The following DCHS2 variants were observed in gnomAD, a reference collection of about 807,000 sequenced individuals.
DCHS2 encodes dachsous cadherin-related 2.
DCHS2 carries 142 observed loss-of-function variants against 182.4 expected under a neutral mutation model. That is an observed-to-expected ratio of 0.78 (90% CI 0.68 to 0.89). DCHS2 has a LOEUF of 0.89. Ranked by LOEUF, DCHS2 falls within the 40% of genes least tolerant of loss-of-function variation. The probability of loss-of-function intolerance (pLI) is 0.00; values close to 1 mark genes in which losing one functional copy is unlikely to be tolerated. For missense variants in DCHS2, 4,319 were observed against 4,198.6 expected, an observed-to-expected ratio of 1.03 and a Z score of -0.79; for synonymous variants, 1,740 against 1,663.3, an observed-to-expected ratio of 1.05 and a Z score of -1.12.
Position 154,489,728 on chromosome 4 carries a change from T to C in DCHS2, c.1628A>G (p.His543Arg), listed in dbSNP as rs1336036885. The change falls in exon 1 of 20, where the codon CAT (histidine) becomes CGT (arginine). Residue 543 changes from histidine (H) to arginine (R), a missense_variant. Physicochemically the swap from His to Arg is conservative, Grantham distance 29. Transcript: ENST00000357232. ...GGCCTCGGACACTGAGGCCTTGTAA[T>C]GCTGTTGGCTGAAGAGAGGTGGTTG... The part of the protein sequence containing the change: ...NDQPPLFSQQ[H>R]YKASVSEAAA... 5.8e-6 allele frequency: 9 copies of C among 1,551,590 alleles called. No individual in the cohort carries two copies. The highest frequency in any genetic ancestry group is 7.8e-6 in the Non-Finnish European group (9 of 1,146,928).
At chr4:154,375,776 T>C (rs1730863370) in intron 2 of DCHS2, among the ~76,000 whole-genome samples, 1 of 152,142 alleles carries the variant, frequency 6.6e-6, no homozygotes, top group African/African-American at 2.4e-5. Flanking sequence ...AATGCTTACA[T>C]TTGTTCACCA....
At chr4:154,487,619 C>T (rs569710279) in intron 1 of DCHS2, among the ~76,000 whole-genome samples, 3 of 152,316 alleles carry the variant, frequency 2.0e-5, no homozygotes, top group East Asian at 3.9e-4. Context: ...TGGAAGCAGT[C>T]ATGAAACCCA....
chr4:154,247,785 A>G (rs939246167), intron 16 of DCHS2, among the ~76,000 whole-genome samples: 8 of 152,188 alleles, frequency 5.3e-5, no homozygotes, highest in Non-Finnish European at 1.0e-4. Flanking sequence ...TCCATTGCAT[A>G]TATTACATGA....
intron 13 of DCHS2, among the ~76,000 whole-genome samples, chr4:154,296,310 C>T (rs1734921091): frequency 6.6e-6 from 1 of 152,126 alleles, no homozygotes; most frequent in South Asian, 2.1e-4. Flanking sequence ...TTTCTCTAAT[C>T]TGGCTTGGAA....
chr4:154,442,535 C>CACA lies in DCHS2; in HGVS notation c.2052+46768_2052+46769insTGT, dbSNP rs1553952990. 7.8e-5 allele frequency among the ~76,000 whole-genome samples: 6 copies of CACA among 77,306 alleles called. No homozygotes were observed. The South Asian group carries it at 3.0e-3, about 38-fold the overall frequency. The allele number at this position is 77,306 out of a possible 152,430, so 50.7% of individuals were successfully genotyped here. On this transcript the variant is annotated intron_variant, in intron 1 of 19. Coordinates refer to ENST00000357232, the MANE Select transcript of DCHS2 (RefSeq NM_001358235.2). ...CTGTCACTGAAAAGTGGACACCCCC[C>CACA]CCCCCCCACACACACACACACACAC...
At position 154,442,358 on chromosome 4, in the gene DCHS2, A is replaced by G. The variant is rs1734056409; in HGVS notation, c.2052+46946T>C. On this transcript the variant is annotated intron_variant, in intron 1 of 19. Transcript: ENST00000357232. Reference sequence around the variant, plus strand: ...CTCAATCCCTAGACTCTCTTACCCTACATGGCTCTGTATATCCTGTAACTG... The same window carrying G: ...CTCAATCCCTAGACTCTCTTACCCTGCATGGCTCTGTATATCCTGTAACTG... Among the ~76,000 whole-genome samples the G allele has an allele frequency of 2.6e-5, 4 of 152,024 alleles. No individual in the cohort carries two copies. In the South Asian group the frequency reaches 8.3e-4, roughly 32 times the overall value.
intron 1 of DCHS2, among the ~76,000 whole-genome samples, chr4:154,442,129 G>C (rs1734044560): frequency 1.3e-5 from 2 of 152,014 alleles, no homozygotes; most frequent in African/African-American, 4.8e-5. Context: ...AAATTTAGTG[G>C]GCAGGTACAC....
chr4:154,343,503 C>A, intron 3 of DCHS2: 1 of 1,489,092 alleles, frequency 6.7e-7, no homozygotes, highest in South Asian at 1.4e-5. Context: ...TGCTACATAC[C>A]TTGCTGCAGC....
intron 1 of DCHS2, among the ~76,000 whole-genome samples, chr4:154,454,881 A>T (rs1734701249): frequency 6.6e-6 from 1 of 152,230 alleles, no homozygotes. Flanking sequence ...TTAAAGGCAA[A>T]GCTCACTGAT....
chr4:154,486,793 C>G (rs1048466869), intron 1 of DCHS2, among the ~76,000 whole-genome samples: 1 of 152,132 alleles, frequency 6.6e-6, no homozygotes, highest in African/African-American at 2.4e-5. Context: ...CTTGGAGAGG[C>G]CACCAGAGAG....
chr4:154,338,682 C>A (rs1728927016), intron 3 of DCHS2, among the ~76,000 whole-genome samples: 1 of 152,110 alleles, frequency 6.6e-6, no homozygotes, highest in Admixed American at 6.6e-5. Flanking sequence ...ACCTTAATAT[C>A]CATCAGGAAA....
chr4:154,361,617 AC>A (rs1436746725), intron 3 of DCHS2, among the ~76,000 whole-genome samples: 3 of 152,060 alleles, frequency 2.0e-5, no homozygotes, highest in Admixed American at 2.0e-4. Context: ...TGAAGGCTCA[AC>A]TCAGTATCTC....
chr4:154,251,747 G>GACCTCTCGATC lies in DCHS2; in HGVS notation c.6941+3771_6941+3772insGATCGAGAGGT, dbSNP rs1732372321. Among the ~76,000 whole-genome samples the GACCTCTCGATC allele has an allele frequency of 2.0e-5, 3 of 152,268 alleles. No homozygotes were observed. In the South Asian group the frequency reaches 6.2e-4, roughly 32 times the overall value. On this transcript the variant is annotated intron_variant, in intron 16 of 19. Transcript: ENST00000357232. Reference sequence around the variant, plus strand: ...TTGACCAGGCTGGTCTCAAACGCCTGACCTCAGGTGATCTGCCCGCCTCAG... The same window carrying GACCTCTCGATC: ...TTGACCAGGCTGGTCTCAAACGCCTGACCTCTCGATCACCTCAGGTGATCTGCCCGCCTCAG...
In DCHS2 at chr4:154,255,637, C is replaced by T. The variant is rs754027230; in HGVS notation, c.6823G>A (p.Gly2275Ser). Residue 2275 changes from glycine to serine, a missense_variant, in exon 16 of 20, where the codon GGC (glycine) becomes AGC (serine). Transcript: ENST00000357232. ...FATDLDSGLN[G>S]LIEYSILSGN... Reference sequence around the variant, plus strand: ...GACAGAATAGAATACTCAATCAGGCCGTTCAAACCACTGTCCAAGTCGGTA... The same window carrying T: ...GACAGAATAGAATACTCAATCAGGCTGTTCAAACCACTGTCCAAGTCGGTA... 17 of 1,613,832 alleles carry T rather than the reference C, an allele frequency of 1.1e-5. 1 individual carries two copies. Among genetic ancestry groups the T allele is most frequent in the South Asian group, 4.4e-5 (4 of 91,028 alleles).
At chr4:154,453,318 AATCT>A (rs1199940381) in intron 1 of DCHS2, among the ~76,000 whole-genome samples, 1 of 148,958 alleles carries the variant, frequency 6.7e-6, no homozygotes, top group Admixed American at 6.8e-5. Flanking sequence ...CTAGATGTGA[AATCT>A]ATTTAAGGGG....
At position 154,491,624 on chromosome 4, in the gene DCHS2, C is replaced by A. The variant is rs1192718133; in HGVS notation, c.-269G>T. ...CCCCTGGATTTCTTTAAACGAATCT[C>A]ATCTCTTTTTCTCTCTCCTTTTATT... is the stretch of plus-strand genomic sequence containing the variant. On this transcript the variant is annotated 5_prime_UTR_variant, in exon 1 of 20. The change abolishes an upstream ATG in the 5' untranslated region. Coordinates refer to ENST00000357232, the MANE Select transcript of DCHS2 (RefSeq NM_001358235.2). 7.6e-7 allele frequency: 1 copy of A among 1,318,002 alleles called. No homozygotes were observed. Among genetic ancestry groups the A allele is most frequent in the Non-Finnish European group, 9.6e-7 (1 of 1,039,918 alleles). 81.6% of individuals were successfully genotyped at this position (1,318,002 alleles called of 1,614,324 possible).
chr4:154,377,213 G>A (rs1215289696), intron 2 of DCHS2, 40 bp downstream of exon 2: 1 of 1,584,400 alleles, frequency 6.3e-7, no homozygotes, highest in Admixed American at 1.7e-5. Context: ...TGGCTCACTT[G>A]TGATTATGTT....
chr4:154,326,710 C>T (rs1170006176), intron 7 of DCHS2, among the ~76,000 whole-genome samples: 3 of 152,094 alleles, frequency 2.0e-5, no homozygotes, highest in African/African-American at 4.8e-5. Flanking sequence ...AGTTTCCGTA[C>T]GTGTAAAGTG....
chr4:154,356,679 G>C (rs553376043), intron 3 of DCHS2, among the ~76,000 whole-genome samples: 1 of 152,060 alleles, frequency 6.6e-6, no homozygotes, highest in African/African-American at 2.4e-5. Flanking sequence ...TAGTCAATGC[G>C]GTAACATGCT....
Sources: allele counts gnomAD v4.1 joint callset (sites outside exome capture counted in the v4.1 genomes callset), GRCh38; gene constraint gnomAD v4.1.1; transcripts MANE v1.5; gene names NCBI Gene and HGNC (gene_info 2026-07-23, HGNC 2026-07-21).